NIBAN2: variants seen among roughly 807,000 people sequenced by gnomAD.
NIBAN2 encodes the protein niban apoptosis regulator 2.
Under a neutral mutation model 81.8 loss-of-function variants are expected in NIBAN2, and 36 were observed. That is an observed-to-expected ratio of 0.44 (90% CI 0.34 to 0.58). The LOEUF (loss-of-function observed/expected upper bound fraction) is 0.58. NIBAN2 is among the 20% of genes least tolerant of loss of function. NIBAN2 has a pLI of 0.02. For missense variants in NIBAN2, 897 were observed against 1,014.1 expected (o/e 0.88, Z 1.57); for synonymous variants, 445 against 441.6 (o/e 1.01, Z -0.10).
chr9:127,523,814 G>A lies in NIBAN2; in HGVS notation c.454C>T (p.Leu152Phe). The change falls in exon 5 of 14, where the codon CTC becomes TTC. Residue 152 changes from leucine (L) to phenylalanine (F), a missense_variant. Physicochemically the swap from Leu to Phe is conservative, Grantham distance 22 (BLOSUM62 0). Coordinates refer to ENST00000373312, the MANE Select transcript of NIBAN2 (RefSeq NM_022833.4). ...TTAKSGSAPI[L>F]KCPTQFPLIL... ...AGCGGGAACTGTGTGGGGCACTTGA[G>A]GATGGGGGCACTGCCCGACTTTGCC... 3.1e-6 allele frequency: 5 copies of A among 1,613,074 alleles called. No homozygotes were observed. Among genetic ancestry groups the A allele is most frequent in the Non-Finnish European group, 4.2e-6 (5 of 1,179,132 alleles).
At position 127,559,113 on chromosome 9, in the gene NIBAN2, C is replaced by T. The variant is rs1306964513; in HGVS notation, c.55+9707G>A. On this transcript the variant is annotated intron_variant, in intron 1 of 13. Transcript: ENST00000373312. This position sits in a 1 kb window ranked among gnomAD's most constrained non-coding sequence, Gnocchi z 4.0. ...ATACACTCTGGGAAACAAAGATCCA[C>T]GGGCTTTGTAACATGAGCCACAGCA... Among the ~76,000 whole-genome samples the T allele has an allele frequency of 6.6e-6, 1 of 152,212 alleles. No individual in the cohort carries two copies. The highest frequency in any genetic ancestry group is 1.5e-5 in the Non-Finnish European group (1 of 68,036).
intron 2 of NIBAN2, among the ~76,000 whole-genome samples, chr9:127,529,512 T>G (rs1837139893): frequency 1.3e-5 from 2 of 152,166 alleles, no homozygotes; most frequent in Non-Finnish European, 2.9e-5. Context: ...TGGTGGTGGA[T>G]GCCTGTGATC....
At chr9:127,520,219 G>T (rs1345600985) in intron 5 of NIBAN2, among the ~76,000 whole-genome samples, 1 of 138,474 alleles carries the variant, frequency 7.2e-6, no homozygotes, top group African/African-American at 2.7e-5. Context: ...ATTATATTTG[G>T]ACCCAGGGTC....
chr9:127,551,715 T>TAA (rs796356260), intron 1 of NIBAN2, among the ~76,000 whole-genome samples: 33 of 146,102 alleles, frequency 2.3e-4, no homozygotes, highest in African/African-American at 8.0e-4. Flanking sequence ...AACTCCATCT[T>TAA]AAAAAAAAAA....
At position 127,568,907 on chromosome 9, in the gene NIBAN2, C is replaced by A; in HGVS notation, c.-33G>T. On this transcript the variant is annotated 5_prime_UTR_variant, in exon 1 of 14. Coordinates refer to ENST00000373312, the MANE Select transcript of NIBAN2 (RefSeq NM_022833.4). ...AGGTGTCGCGGCCCGATCCGGCCGA[C>A]GCCGCCGCTGTTGCCCGCGCTGCTC... is the stretch of plus-strand genomic sequence containing the variant. 1 of 1,258,388 alleles carries A rather than the reference C, an allele frequency of 7.9e-7. No homozygotes were observed. The highest frequency in any genetic ancestry group is 4.1e-5 in the Admixed American group (1 of 24,486). 78.0% of individuals were successfully genotyped at this position (1,258,388 alleles called of 1,614,324 possible).
At chr9:127,568,370 C>T (rs1837894494) in intron 1 of NIBAN2, among the ~76,000 whole-genome samples, 1 of 152,204 alleles carries the variant, frequency 6.6e-6, no homozygotes, top group African/African-American at 2.4e-5. Flanking sequence ...AGGGCTGGGG[C>T]CCGGCGGAGC....
chr9:127,569,406 C>G (rs942594218), upstream of NIBAN2, among the ~76,000 whole-genome samples: 2 of 151,860 alleles, frequency 1.3e-5, no homozygotes, highest in East Asian at 3.9e-4. Flanking sequence ...CCGCCCTGTA[C>G]CTAAGCAGAG....
In NIBAN2 at chr9:127,510,257, C is replaced by T. The variant is rs754333552; in HGVS notation, c.1050G>A (p.Leu350=). Reference sequence around the variant, plus strand: ...TGAAGCCCTGGCTGGTGGGGACCATCAGGGCCTCCAGGATGGATGGGATGT... The same window carrying T: ...TGAAGCCCTGGCTGGTGGGGACCATTAGGGCCTCCAGGATGGATGGGATGT... ...QPYIPSILEA[L]MVPTSQGFTE... Residue 350 remains leucine, a synonymous_variant, in exon 9 of 14, where the codon CTG becomes CTA. Transcript: ENST00000373312. The T allele has an allele frequency of 1.2e-6, 2 of 1,613,980 alleles. No individual in the cohort carries two copies. Among genetic ancestry groups the T allele is most frequent in the South Asian group, 1.1e-5 (1 of 91,078 alleles).
rs570266545 is a variant in NIBAN2, at chr9:127,532,061, G to A, written c.56-283C>T. Among the ~76,000 whole-genome samples the A allele has an allele frequency of 4.9e-4, 75 of 152,244 alleles. 1 individual carries two copies. The highest frequency in any genetic ancestry group is 3.3e-3 in the South Asian group (16 of 4,818). On this transcript the variant is annotated intron_variant, in intron 1 of 13. Coordinates refer to ENST00000373312, the MANE Select transcript of NIBAN2 (RefSeq NM_022833.4). ...CAGAACCAAGACTCCATTTCCTGTC[G>A]TCACACTGGTGGGGACATGCAAAAA... is the stretch of plus-strand genomic sequence containing the variant.
chr9:127,508,443 C>T lies in NIBAN2; in HGVS notation c.1413G>A (p.Arg471=), dbSNP rs762248290. The change falls in exon 11 of 14, where the codon CGG becomes CGA. Residue 471 remains arginine (R), a synonymous_variant. Transcript: ENST00000373312. The surrounding 1 kb of genome is among the most constrained non-coding windows in gnomAD (Gnocchi z 6.4). ...TCACCTTCAGCACCCGCTCCAGGAC[C>T]CGCTGGATGGACTTGCACAGCTCCT... ...TKEELCKSIQ[R]VLERVLKKYD... is the part of the protein sequence containing the mutation. 1.1e-5 allele frequency: 17 copies of T among 1,612,656 alleles called. 1 individual carries two copies. The highest frequency in any genetic ancestry group is 5.3e-5 in the African/African-American group (4 of 74,912).
In NIBAN2 at chr9:127,525,156, T is replaced by G; in HGVS notation, c.323A>C (p.Glu108Ala). The change falls in exon 4 of 14, where the codon GAG becomes GCG. Residue 108 changes from glutamate (E) to alanine (A), a missense_variant. Glu to Ala is a moderately radical substitution (Grantham distance 107). Around this residue, in one of 3 missense-constraint regions of NIBAN2, gnomAD observed 209 missense variants for 208.4 expected, o/e 1.00. Coordinates refer to ENST00000373312, the MANE Select transcript of NIBAN2 (RefSeq NM_022833.4). Reference sequence around the variant, plus strand: ...GACGGCTCGTGGTGGGACCTGCCGCTCATAGGCCTGAGGGAGGCAAGAGAG... The same window carrying G: ...GACGGCTCGTGGTGGGACCTGCCGCGCATAGGCCTGAGGGAGGCAAGAGAG... ...LVLYENKAAY[E>A]RQVPPRAVIN... The G allele has an allele frequency of 6.2e-7, 1 of 1,613,818 alleles. No individual in the cohort carries two copies. Among genetic ancestry groups the G allele is most frequent in the Non-Finnish European group, 8.5e-7 (1 of 1,179,790 alleles).
intron 1 of NIBAN2, among the ~76,000 whole-genome samples, chr9:127,565,032 A>C (rs1837835318): frequency 6.6e-6 from 1 of 152,086 alleles, no homozygotes; most frequent in Admixed American, 6.5e-5. Flanking sequence ...ACCCTCCTAA[A>C]TTGTTTGTAC....
Position 127,507,418 on chromosome 9 carries a change from G to C in NIBAN2, c.1668C>G (p.Ala556=). Residue 556 remains alanine, a synonymous_variant, in exon 14 of 14, where the codon GCC becomes GCG. Transcript: ENST00000373312. This position sits in a 1 kb window ranked among gnomAD's most constrained non-coding sequence, Gnocchi z 6.8. The part of the protein sequence containing the change: ...MKDILQAVKE[A]AVQRKHNLYR... ...AGAGGTTGTGCTTCCTCTGCACCGC[G>C]GCCTCCTTCACAGCTACAGGGCCAC... 6.6e-7 allele frequency: 1 copy of C among 1,511,240 alleles called. No individual in the cohort carries two copies. Among genetic ancestry groups the C allele is most frequent in the South Asian group, 1.3e-5 (1 of 74,226 alleles). 93.6% of individuals were successfully genotyped at this position (1,511,240 alleles called of 1,614,324 possible).
rs145531660 is a variant in NIBAN2 at position 127,510,196 on chromosome 9, C to A, written c.1111G>T (p.Asp371Tyr). ...VRDVFFKEVT[D>Y]MNLNVINEGG... ...TCGTTGATGACGTTCAGGTTCATGTCCGTGACCTCCTTGAAGAAGACATCT... is the reference window on the plus strand; with the variant it reads ...TCGTTGATGACGTTCAGGTTCATGTACGTGACCTCCTTGAAGAAGACATCT... Residue 371 changes from aspartate to tyrosine, a missense_variant, in exon 9 of 14, where the codon GAC (aspartate) becomes TAC (tyrosine). Asp to Tyr is a radical substitution (Grantham distance 160, BLOSUM62 -3). Around this residue, in one of 3 missense-constraint regions of NIBAN2, gnomAD observed 619 missense variants for 691.0 expected, o/e 0.90. Coordinates refer to ENST00000373312, the MANE Select transcript of NIBAN2 (RefSeq NM_022833.4). 6.2e-7 allele frequency: 1 copy of A among 1,613,950 alleles called. No individual in the cohort carries two copies. The highest frequency in any genetic ancestry group is 1.3e-5 in the African/African-American group (1 of 74,938).
intron 1 of NIBAN2, among the ~76,000 whole-genome samples, chr9:127,562,386 T>C (rs1437610384): frequency 2.6e-5 from 4 of 152,212 alleles, no homozygotes; most frequent in Non-Finnish European, 1.5e-5. Context: ...AAAGGAAGGC[T>C]TGGCACATAG....
In NIBAN2 at chr9:127,522,083, G is replaced by A. The variant is rs117788926; in HGVS notation, c.589+1596C>T. On this transcript the variant is annotated intron_variant, in intron 5 of 13. Transcript: ENST00000373312. ...GCACCAGGCCAGGGGCTGGGGAGGCGGGAGGGCCCTGGGCCAGGCAGCCAG... is the reference window on the plus strand; with the variant it reads ...GCACCAGGCCAGGGGCTGGGGAGGCAGGAGGGCCCTGGGCCAGGCAGCCAG... Among the ~76,000 whole-genome samples, 589 of 152,340 alleles carry A rather than the reference G, an allele frequency of 3.9e-3. 7 individuals carry two copies. In the East Asian group the frequency reaches 0.044, roughly 11 times the overall value.
Position 127,531,711 on chromosome 9 carries a change from G to C in NIBAN2, c.123C>G (p.Phe41Leu). Residue 41 changes from phenylalanine (F) to leucine (L), a missense_variant, in exon 2 of 14, where the codon TTC becomes TTG. By Grantham distance (22) the Phe-to-Leu change is conservative. Coordinates refer to ENST00000373312, the MANE Select transcript of NIBAN2 (RefSeq NM_022833.4). ...FYEDQYGVAL[F>L]NSMRHEIEGT... ...CCTCAATCTCATGGCGCATGCTGTTGAAGAGAGCCACGCCATACTGGTCTT... is the reference window on the plus strand; with the variant it reads ...CCTCAATCTCATGGCGCATGCTGTTCAAGAGAGCCACGCCATACTGGTCTT... 6.2e-7 allele frequency: 1 copy of C among 1,614,180 alleles called. No homozygotes were observed. The highest frequency in any genetic ancestry group is 8.5e-7 in the Non-Finnish European group (1 of 1,180,032).
chr9:127,527,385 C>A, intron 2 of NIBAN2, 63 bp from the exon 3 acceptor site: 1 of 1,505,630 alleles, frequency 6.6e-7, no homozygotes, highest in Middle Eastern at 1.9e-4. Flanking sequence ...CCCCATGAAG[C>A]TGATGGCCCA....
At position 127,520,885 on chromosome 9, in the gene NIBAN2, A is replaced by T. The variant is rs990889117; in HGVS notation, c.589+2794T>A. On this transcript the variant is annotated intron_variant, in intron 5 of 13. Coordinates refer to ENST00000373312, the MANE Select transcript of NIBAN2 (RefSeq NM_022833.4). ...GGTGACAGAGCAAGCCTCTGTCTCA[A>T]AAAAGAAGAAAAAAGAAAAAGAAAA... 2.0e-5 allele frequency among the ~76,000 whole-genome samples: 3 copies of T among 152,146 alleles called. No individual in the cohort carries two copies. In the East Asian group the frequency reaches 5.8e-4, roughly 29 times the overall value.
Sources: gnomAD v4.1 joint callset for allele counts (sites outside exome capture counted in the v4.1 genomes callset) on GRCh38, gnomAD v4.1.1 for gene constraint, gnomAD v4.1.1 regional missense constraint, Gnocchi (gnomAD v3.1) non-coding constraint, MANE v1.5 for transcripts, NCBI Gene and HGNC (gene_info 2026-07-23, HGNC 2026-07-21) for gene names.